MLH3: variants seen among roughly 807,000 people sequenced by gnomAD.
The protein encoded by MLH3 is DNA mismatch repair protein Mlh3.
Under a neutral mutation model 122.2 loss-of-function variants are expected in MLH3, and 82 were observed. The ratio of observed to expected loss-of-function variants is 0.67; its 90% confidence interval spans 0.56 to 0.81. The LOEUF (loss-of-function observed/expected upper bound fraction) is 0.81. Ranked by LOEUF, MLH3 falls within the 30% of genes least tolerant of loss-of-function variation. MLH3 has a pLI of 0.00. For missense variants in MLH3, 1,539 were observed against 1,714.5 expected, an observed-to-expected ratio of 0.90 and a Z score of 1.81; for synonymous variants, 524 against 599.5, an observed-to-expected ratio of 0.87 and a Z score of 1.84.
chr14:75,047,497 T>TA lies in MLH3; in HGVS notation c.2158dup (p.Tyr720LeufsTer2), dbSNP rs1566605234. On this transcript the variant is annotated frameshift_variant, in exon 2 of 13. Transcript: ENST00000355774. LOFTEE classifies it high-confidence loss of function. ...CCTACTATCATTGGAAACGTGTCTATACCAGGGGAAAGAGGGGGATGTATC... is the reference window on the plus strand; with the variant it reads ...CCTACTATCATTGGAAACGTGTCTATAACCAGGGGAAAGAGGGGGATGTATC... The TA allele has an allele frequency of 1.2e-6, 2 of 1,614,104 alleles. No individual in the cohort carries two copies. The highest frequency in any genetic ancestry group is 1.7e-6 in the Non-Finnish European group (2 of 1,180,008).
chr14:75,049,126 G>A lies in MLH3; in HGVS notation c.530C>T (p.Ala177Val), dbSNP rs1483689262. ...AATGGAAGGGTGCATGAGTGAGAGA[G>A]CTTCTATTCTCTGCCTAACCTTCTC... The part of the protein sequence containing the change: ...EFEKVRQRIE[A>V]LSLMHPSISF... The change falls in exon 2 of 13, where the codon GCT becomes GTT. Residue 177 changes from alanine (A) to valine (V), a missense_variant. Coordinates refer to ENST00000355774, the MANE Select transcript of MLH3 (RefSeq NM_001040108.2). 2 of 1,614,152 alleles carry A rather than the reference G, an allele frequency of 1.2e-6. No homozygotes were observed. The highest frequency in any genetic ancestry group is 1.6e-4 in the Middle Eastern group (1 of 6,062).
intron 9 of MLH3, among the ~76,000 whole-genome samples, chr14:75,024,697 T>G (rs1451858918): frequency 6.6e-6 from 1 of 152,182 alleles, no homozygotes; most frequent in African/African-American, 2.4e-5. Context: ...CCAAAACTGT[T>G]CCAGCTTCTT....
At chr14:75,046,135 G>A (rs997521188) in intron 2 of MLH3, among the ~76,000 whole-genome samples, 5 of 143,502 alleles carry the variant, frequency 3.5e-5, no homozygotes, top group Non-Finnish European at 7.5e-5. Flanking sequence ...AGCTGAGATC[G>A]CACCACTGCA....
At position 75,049,330 on chromosome 14, in the gene MLH3, A is replaced by G; in HGVS notation, c.326T>C (p.Ile109Thr). The change falls in exon 2 of 13, where the codon ATT (isoleucine) becomes ACT (threonine). Residue 109 changes from isoleucine to threonine, a missense_variant. Ile to Thr is a moderately conservative substitution (Grantham distance 89). Transcript: ENST00000355774. The part of the protein sequence containing the change: ...NIADMASAVE[I>T]SSKKNRTMKT... ...CATTGTCCTGTTTTTCTTGGACGAA[A>G]TTTCCACAGCACTGGCCATGTCAGC... 3 of 1,614,144 alleles carry G rather than the reference A, an allele frequency of 1.9e-6. No individual in the cohort carries two copies. In the South Asian group the frequency reaches 3.3e-5, roughly 18 times the overall value.
At chr14:75,018,639 T>C (rs1331436370) in intron 12 of MLH3, among the ~76,000 whole-genome samples, 190 bp downstream of exon 12, 1 of 152,220 alleles carries the variant, frequency 6.6e-6, no homozygotes, top group Admixed American at 6.5e-5. Context: ...GACAGTTCAG[T>C]CTAAGTTCCA....
intron 4 of MLH3, 56 bp downstream of exon 4, chr14:75,041,559 A>AAAG: frequency 7.2e-7 from 1 of 1,388,044 alleles, no homozygotes. Flanking sequence ...AAAATTTAAA[A>AAAG]AATAAGAAGA....
At position 75,047,020 on chromosome 14, in the gene MLH3, C is replaced by G; in HGVS notation, c.2636G>C (p.Arg879Thr). 6.2e-7 allele frequency: 1 copy of G among 1,614,164 alleles called. No individual in the cohort carries two copies. Among genetic ancestry groups the G allele is most frequent in the Non-Finnish European group, 8.5e-7 (1 of 1,180,022 alleles). The change falls in exon 2 of 13, where the codon AGA becomes ACA. Residue 879 changes from arginine to threonine, a missense_variant. Coordinates refer to ENST00000355774, the MANE Select transcript of MLH3 (RefSeq NM_001040108.2). ...AGTTTCTCTTTCGGAACCCTTCAGTCTGGATAATTTAGAGGCTAGTGATTC... is the reference window on the plus strand; with the variant it reads ...AGTTTCTCTTTCGGAACCCTTCAGTGTGGATAATTTAGAGGCTAGTGATTC... ...SSESLASKLS[R>T]LKGSERETQT...
At position 75,041,624 on chromosome 14, in the gene MLH3, A is replaced by T. The variant is rs2139492569; in HGVS notation, c.3456T>A (p.Arg1152=). ...FSEWDNPVFA[R]YPEVAVDVSS... ...ACTGCTACAGACCCACCTCTGGATA[A>T]CGGGCAAATACTGGATTGTCCCATT... The change falls in exon 4 of 13, where the codon CGT becomes CGA. Residue 1152 remains arginine (R), a synonymous_variant. Coordinates refer to ENST00000355774, the MANE Select transcript of MLH3 (RefSeq NM_001040108.2). 1 of 1,613,436 alleles carries T rather than the reference A, an allele frequency of 6.2e-7. No homozygotes were observed. The highest frequency in any genetic ancestry group is 1.1e-5 in the South Asian group (1 of 91,074).
At chr14:75,030,024 C>T (rs895460088) in intron 9 of MLH3, among the ~76,000 whole-genome samples, 12 of 151,376 alleles carry the variant, frequency 7.9e-5, no homozygotes, top group South Asian at 4.2e-4. Context: ...CATGGTGGTG[C>T]GTGTCTGTAG....
chr14:75,040,129 G>A, intron 4 of MLH3, 114 bp from the exon 5 acceptor site: 1 of 598,642 alleles, frequency 1.7e-6, no homozygotes. Context: ...TACTAGAGGT[G>A]GGTTTAATTC....
At chr14:75,043,553 A>G (rs1263880266) in intron 2 of MLH3, among the ~76,000 whole-genome samples, 1 of 152,232 alleles carries the variant, frequency 6.6e-6, no homozygotes, top group Non-Finnish European at 1.5e-5. Context: ...GGATAATCAG[A>G]TTTGAGTTTT....
intron 9 of MLH3, among the ~76,000 whole-genome samples, chr14:75,025,097 C>A (rs1038347231): frequency 1.3e-5 from 2 of 152,234 alleles, no homozygotes; most frequent in Admixed American, 6.5e-5. Context: ...CCTTGGCCTG[C>A]AAACCTGCTT....
intron 11 of MLH3, among the ~76,000 whole-genome samples, chr14:75,020,012 G>A (rs908264846): frequency 2.6e-5 from 4 of 152,204 alleles, no homozygotes; most frequent in African/African-American, 9.6e-5. Flanking sequence ...AGGAGCTTAA[G>A]GAAGGCTTTC....
In MLH3 at chr14:75,016,003, C is replaced by T. The variant is rs1002727953; in HGVS notation, c.*1079G>A. The T allele has an allele frequency of 4.3e-6, 1 of 231,340 alleles. No homozygotes were observed. Among genetic ancestry groups the T allele is most frequent in the Admixed American group, 5.6e-5 (1 of 17,728 alleles). The allele number at this position is 231,340 out of a possible 1,614,324, so 14.3% of individuals were successfully genotyped here. On this transcript the variant is annotated 3_prime_UTR_variant, in exon 13 of 13. Coordinates refer to ENST00000355774, the MANE Select transcript of MLH3 (RefSeq NM_001040108.2). The stretch of plus-strand genomic sequence containing the variant: ...CCCCAGTTGCAATAAACATTACCAG[C>T]TGGCTTTTTGCATTTTTTTTCTACT...
rs1373916657 is a variant in MLH3, at chr14:75,027,685, A to C, written c.3987+2858T>G. Among the ~76,000 whole-genome samples, 691 of 150,204 alleles carry C rather than the reference A, an allele frequency of 4.6e-3. 13 individuals are homozygous for C. Among genetic ancestry groups the C allele is most frequent in the African/African-American group, 0.016 (641 of 41,212 alleles). On this transcript the variant is annotated intron_variant, in intron 9 of 12. Transcript: ENST00000355774. Reference sequence around the variant, plus strand: ...TCAGTAAAAAAAAAAAAAAAAAAAAAAAAAAAAAACCCAAAAGAACACAGA... The same window carrying C: ...TCAGTAAAAAAAAAAAAAAAAAAAACAAAAAAAAACCCAAAAGAACACAGA...
chr14:75,035,653 A>C (rs1368981400), intron 6 of MLH3, among the ~76,000 whole-genome samples: 1 of 152,200 alleles, frequency 6.6e-6, no homozygotes, highest in African/African-American at 2.4e-5. Flanking sequence ...ATCTGCTATG[A>C]CATTTACTAA....
intron 2 of MLH3, among the ~76,000 whole-genome samples, chr14:75,043,365 T>G (rs1021589702): frequency 6.6e-6 from 1 of 152,238 alleles, no homozygotes; most frequent in South Asian, 2.1e-4. Flanking sequence ...TCTTCCCTAA[T>G]AGTACTGTGA....
chr14:75,039,439 A>C (rs1891657349), intron 5 of MLH3, among the ~76,000 whole-genome samples: 1 of 152,188 alleles, frequency 6.6e-6, no homozygotes, highest in Admixed American at 6.5e-5. Context: ...AGATCAGACA[A>C]AGGGTCCCTT....
At chr14:75,045,820 TAC>T (rs571140284) in intron 2 of MLH3, among the ~76,000 whole-genome samples, 2 of 152,078 alleles carry the variant, frequency 1.3e-5, no homozygotes, top group Non-Finnish European at 2.9e-5. Flanking sequence ...TTCTTACACA[TAC>T]ACACACCCAT....
Sources: gnomAD v4.1 joint callset for allele counts (sites outside exome capture counted in the v4.1 genomes callset) on GRCh38, gnomAD v4.1.1 for gene constraint, MANE v1.5 for transcripts, NCBI Gene and HGNC (gene_info 2026-07-23, HGNC 2026-07-21) for gene names.